CCDC141: variants seen among roughly 807,000 people sequenced by gnomAD.
CCDC141 encodes coiled-coil domain-containing protein 141.
Under a neutral mutation model 181.0 loss-of-function variants are expected in CCDC141, and 168 were observed. That is an observed-to-expected ratio of 0.93 (90% CI 0.82 to 1.05). The LOEUF (loss-of-function observed/expected upper bound fraction) is 1.05, where lower values mean the gene tolerates loss of function less well. Ranked by LOEUF, CCDC141 falls within the 50% of genes least tolerant of loss-of-function variation. The pLI, the probability that CCDC141 is intolerant of heterozygous loss-of-function variation, is 0.00. For missense variants in CCDC141, 1,902 were observed against 1,788.5 expected (o/e 1.06, Z -1.14); for synonymous variants, 666 against 642.3 (o/e 1.04, Z -0.56).
intron 5 of CCDC141, among the ~76,000 whole-genome samples, chr2:178,954,438 A>G (rs953839738): frequency 7.9e-5 from 12 of 152,238 alleles, no homozygotes; most frequent in Admixed American, 2.6e-4. Flanking sequence ...AGGCTATCAC[A>G]TCCCACTTAA....
At chr2:178,864,654 C>T (rs1279548131) in intron 17 of CCDC141, among the ~76,000 whole-genome samples, 1 of 152,196 alleles carries the variant, frequency 6.6e-6, no homozygotes, top group African/African-American at 2.4e-5. Context: ...TCCTTCCAGC[C>T]ATGGTCCATC....
intron 4 of CCDC141, among the ~76,000 whole-genome samples, chr2:178,972,492 G>A (rs1202708931): frequency 6.6e-6 from 1 of 152,162 alleles, no homozygotes; most frequent in African/African-American, 2.4e-5. Context: ...GAAGTATAGA[G>A]GGAGTCACCA....
intron 2 of CCDC141, among the ~76,000 whole-genome samples, chr2:178,980,473 C>T (rs1691326652): frequency 1.3e-5 from 2 of 151,978 alleles, no homozygotes; most frequent in African/African-American, 2.4e-5. Flanking sequence ...AAAATGCAAG[C>T]AAAAACTGTC....
chr2:178,819,811 C>T, the CCDC141 span, among the ~76,000 whole-genome samples: 2 of 152,056 alleles, frequency 1.3e-5, no homozygotes, highest in African/African-American at 2.4e-5. Context: ...AGAAATACAC[C>T]ACAAATACCA....
rs559913465 is a variant in CCDC141 at position 178,893,230 on chromosome 2, T to TC, written c.1266-4563_1266-4562insG. Among the ~76,000 whole-genome samples, 7 of 151,720 alleles carry TC rather than the reference T, an allele frequency of 4.6e-5. No individual in the cohort carries two copies. In the East Asian group the frequency reaches 1.4e-3, roughly 29 times the overall value. On this transcript the variant is annotated intron_variant, in intron 8 of 23. Transcript: ENST00000443758. ...GGAAGAAAAATAATTGCTTTTTTTT[T>TC]TTTTCTCAAAGAGCACAGACGTATT...
intron 6 of CCDC141, among the ~76,000 whole-genome samples, chr2:178,925,245 T>C (rs1261385812): frequency 6.6e-6 from 1 of 152,226 alleles, no homozygotes; most frequent in African/African-American, 2.4e-5. Flanking sequence ...GTGTTAGATA[T>C]TTAGTTCGTT....
chr2:178,887,900 A>T (rs1315224255), intron 9 of CCDC141, among the ~76,000 whole-genome samples: 1 of 152,112 alleles, frequency 6.6e-6, no homozygotes, highest in Non-Finnish European at 1.5e-5. Flanking sequence ...AAGATAAATA[A>T]TTTTTTTATT....
rs1246509954 is a variant in CCDC141 at position 178,888,557 on chromosome 2, T to G, written c.1377A>C (p.Leu459=). 6.4e-7 allele frequency: 1 copy of G among 1,550,458 alleles called. No individual in the cohort carries two copies. Among genetic ancestry groups the G allele is most frequent in the South Asian group, 1.2e-5 (1 of 84,056 alleles). Reference sequence around the variant, plus strand: ...GTAGGTAACCCTCCACTGAGGCTGTTAGTTGTTGTTTCTTAAGAGCATATT... The same window carrying G: ...GTAGGTAACCCTCCACTGAGGCTGTGAGTTGTTGTTTCTTAAGAGCATATT... ...HKEYALKKQQ[L]TASVEGYLRK... Residue 459 remains leucine (L), a synonymous_variant, in exon 9 of 24, where the codon CTA becomes CTC. Coordinates refer to ENST00000443758, the MANE Select transcript of CCDC141 (RefSeq NM_173648.4).
Position 178,869,320 on chromosome 2 carries a change from G to T in CCDC141, c.2206-15C>A, listed in dbSNP as rs751019078. ...TCATTCAATTGCTAAAACATTGAAA[G>T]CAATAAAAAAATCTTGCTATTAAAG... On this transcript the variant is annotated splice_polypyrimidine_tract_variant and intron_variant, in intron 14 of 23. Transcript: ENST00000443758. 6.4e-7 allele frequency: 1 copy of T among 1,559,244 alleles called. No homozygotes were observed. The highest frequency in any genetic ancestry group is 8.6e-7 in the Non-Finnish European group (1 of 1,159,266).
Position 178,869,212 on chromosome 2 carries a change from C to A in CCDC141, c.2299G>T (p.Asp767Tyr). The A allele has an allele frequency of 6.2e-7, 1 of 1,613,676 alleles. No homozygotes were observed. The highest frequency in any genetic ancestry group is 8.5e-7 in the Non-Finnish European group (1 of 1,179,744). Residue 767 changes from aspartate (D) to tyrosine (Y), a missense_variant, in exon 15 of 24, where the codon GAC (aspartate) becomes TAC (tyrosine). Asp to Tyr is a radical substitution (Grantham distance 160). Coordinates refer to ENST00000443758, the MANE Select transcript of CCDC141 (RefSeq NM_173648.4). ...TGTTTTTGATGGAAGTGAATAAGGT[C>A]CTTCAGTTGTTGAGACTTTTCTTTT... ...PVKEKSQQLK[D>Y]LIHFHQKQKE...
intron 7 of CCDC141, 66 bp downstream of exon 7, chr2:178,918,647 T>C (rs909591765): frequency 8.3e-6 from 11 of 1,327,374 alleles, no homozygotes; most frequent in Non-Finnish European, 9.3e-6. Flanking sequence ...TCCAGTCAGT[T>C]GAAGTAATGG....
rs1303652656 is a variant in CCDC141 at position 179,047,298 on chromosome 2, AAAG to A, written c.208_210del (p.Leu71del). 2 of 1,534,146 alleles carry A rather than the reference AAAG, an allele frequency of 1.3e-6. No individual in the cohort carries two copies. Among genetic ancestry groups the A allele is most frequent in the East Asian group, 2.5e-5 (1 of 40,342 alleles). Reference sequence around the variant, plus strand: ...TAGTATCTTACCTTGAGCTTGGCCAAAAGAAGTTCATGATCATGAAGAAGTTTT... The same window carrying A: ...TAGTATCTTACCTTGAGCTTGGCCAAAAGTTCATGATCATGAAGAAGTTTT... On this transcript the variant is annotated inframe_deletion, in exon 2 of 24. Coordinates refer to ENST00000443758, the MANE Select transcript of CCDC141 (RefSeq NM_173648.4).
intron 3 of CCDC141, among the ~76,000 whole-genome samples, chr2:178,978,222 G>A (rs1397993330): frequency 6.6e-6 from 1 of 152,076 alleles, no homozygotes; most frequent in Non-Finnish European, 1.5e-5. Flanking sequence ...AATGACTTAT[G>A]AGTGTTCCCA....
At chr2:178,869,357 T>C in intron 14 of CCDC141, 52 bp from the exon 15 acceptor site, 1 of 1,318,482 alleles carries the variant, frequency 7.6e-7, no homozygotes, top group Non-Finnish European at 1.0e-6. Flanking sequence ...ACTTTTTTAC[T>C]TTACAACTGA....
At chr2:178,978,854 G>A (rs202012085) in intron 2 of CCDC141, among the ~76,000 whole-genome samples, 179 bp from the exon 3 acceptor site, 5 of 152,180 alleles carry the variant, frequency 3.3e-5, no homozygotes, top group African/African-American at 9.7e-5. Flanking sequence ...CAGGATTGAG[G>A]TGAGCCAGGA....
intron 2 of CCDC141, among the ~76,000 whole-genome samples, chr2:179,003,642 G>T (rs900961664): frequency 2.6e-5 from 4 of 151,970 alleles, no homozygotes; most frequent in African/African-American, 9.7e-5. Flanking sequence ...GGAACATATT[G>T]AAGTCACAGT....
intron 4 of CCDC141, among the ~76,000 whole-genome samples, chr2:178,963,729 A>G (rs1207732557): frequency 6.6e-6 from 1 of 152,006 alleles, no homozygotes; most frequent in Non-Finnish European, 1.5e-5. Context: ...TTTTGAGATG[A>G]AAAGGAAATA....
At chr2:178,859,540 C>A (rs1410720453) in intron 17 of CCDC141, among the ~76,000 whole-genome samples, 1 of 151,950 alleles carries the variant, frequency 6.6e-6, no homozygotes, top group Non-Finnish European at 1.5e-5. Flanking sequence ...AAAAAGTTTA[C>A]CCTGTTAGAA....
At chr2:178,901,505 G>C (rs527315601) in intron 8 of CCDC141, among the ~76,000 whole-genome samples, 14 of 152,046 alleles carry the variant, frequency 9.2e-5, no homozygotes, top group South Asian at 2.1e-4. Flanking sequence ...AAGACAAAAA[G>C]CACATGATAA....
Sources: allele counts gnomAD v4.1 joint callset (sites outside exome capture counted in the v4.1 genomes callset), GRCh38; gene constraint gnomAD v4.1.1; transcripts MANE v1.5; gene names NCBI Gene and HGNC (gene_info 2026-07-23, HGNC 2026-07-21).